Variants in GSE1 observed in about 807,000 individuals in gnomAD.
The protein encoded by GSE1 is genetic suppressor element 1.
GSE1 carries 32 observed loss-of-function variants against 112.6 expected under a neutral mutation model. That is an observed-to-expected ratio of 0.28 (90% CI 0.21 to 0.38). The LOEUF (loss-of-function observed/expected upper bound fraction) is 0.38. Ranked by LOEUF, GSE1 falls within the 10% of genes least tolerant of loss-of-function variation. GSE1 has a pLI of 1.00. For missense variants in GSE1, 2,348 were observed against 1,699.2 expected, an observed-to-expected ratio of 1.38 and a Z score of -6.71; for synonymous variants, 1,115 against 735.6, an observed-to-expected ratio of 1.52 and a Z score of -8.35.
At chr16:85,247,578 A>G (rs1249131700) in intron 1 of GSE1, among the ~76,000 whole-genome samples, 2 of 152,166 alleles carry the variant, frequency 1.3e-5, no homozygotes, top group Non-Finnish European at 2.9e-5. Flanking sequence ...AGCCTGGCTC[A>G]AGCCACTGCC....
Position 85,331,365 on chromosome 16 carries a change from G to GTGTA in GSE1, c.2284-26097_2284-26096insGTAT, listed in dbSNP as rs1555563679. Among the ~76,000 whole-genome samples the GTGTA allele has an allele frequency of 3.3e-3, 332 of 101,118 alleles. 24 individuals are homozygous for GTGTA. The highest frequency in any genetic ancestry group is 0.011 in the Middle Eastern group (2 of 190). The allele number at this position is 101,118 out of a possible 152,430, so 66.3% of individuals were successfully genotyped here. On this transcript the variant is annotated intron_variant, in intron 1 of 2. Coordinates refer to the GSE1 transcript ENST00000637419. ...TGTGTGTGTGTGTGTGTGTGTGTGTGTATATATGTATATATATGTATATAT... is the reference window on the plus strand; with the variant it reads ...TGTGTGTGTGTGTGTGTGTGTGTGTGTGTATATATATGTATATATATGTATATAT...
intron 2 of GSE1, among the ~76,000 whole-genome samples, chr16:85,369,297 C>T (rs951057346): frequency 6.6e-6 from 1 of 152,064 alleles, no homozygotes. Flanking sequence ...CTCACTGCAA[C>T]CTTGACCTCC....
chr16:85,592,046 A>G (rs1598305578), intron 1 of GSE1, among the ~76,000 whole-genome samples: 1 of 152,066 alleles, frequency 6.6e-6, no homozygotes, highest in East Asian at 1.9e-4. Context: ...GGCCAGGGGC[A>G]CCCCCCGCCC....
At chr16:85,595,042 G>A (rs1046691067) in intron 1 of GSE1, 1 of 152,428 alleles carries the variant, frequency 6.6e-6, no homozygotes, top group Admixed American at 6.5e-5. Context: ...GGACGTTCCT[G>A]TCTCTGTTGA....
At chr16:85,619,771 G>T (rs1302338302) in intron 1 of GSE1, among the ~76,000 whole-genome samples, 1 of 152,152 alleles carries the variant, frequency 6.6e-6, no homozygotes, top group Non-Finnish European at 1.5e-5. Flanking sequence ...CTCCTCCCCA[G>T]GGAGGGACTG....
intron 2 of GSE1, among the ~76,000 whole-genome samples, chr16:85,467,927 C>T (rs927954831): frequency 5.3e-5 from 8 of 152,146 alleles, no homozygotes; most frequent in Non-Finnish European, 7.3e-5. Flanking sequence ...CCTGAGACAT[C>T]GTCTGCATCG....
upstream of GSE1, among the ~76,000 whole-genome samples, chr16:85,608,443 C>T (rs1284790955): frequency 1.3e-5 from 2 of 151,924 alleles, no homozygotes; most frequent in Admixed American, 6.5e-5. Flanking sequence ...CGGCTCCCTC[C>T]CCCGGCCCCC....
rs556432383 is a variant in GSE1, at chr16:85,585,797, C to G, written c.37+29434C>G. Among the ~76,000 whole-genome samples the G allele has an allele frequency of 1.1e-4, 16 of 152,368 alleles. No homozygotes were observed. The East Asian group carries it at 3.1e-3, about 29-fold the overall frequency. On this transcript the variant is annotated intron_variant, in intron 1 of 2. Transcript: ENST00000635906. ...GCTTCCCAGCCAGTGTCTTAAGTGTCTGATCCACATACATTTCCTTTGGCT... is the reference window on the plus strand; with the variant it reads ...GCTTCCCAGCCAGTGTCTTAAGTGTGTGATCCACATACATTTCCTTTGGCT...
chr16:85,421,014 C>T (rs974187054), intron 2 of GSE1, among the ~76,000 whole-genome samples: 1 of 152,194 alleles, frequency 6.6e-6, no homozygotes, highest in South Asian at 2.1e-4. Context: ...CCTCAGTGGC[C>T]CCCTCTGTAA....
chr16:85,290,081 C>T (rs2045162461), intron 1 of GSE1, among the ~76,000 whole-genome samples: 2 of 152,162 alleles, frequency 1.3e-5, no homozygotes, highest in Admixed American at 6.5e-5. Context: ...TCTTCCCCTC[C>T]CAGAGTCGCC....
At chr16:85,485,664 G>A (rs1597913924) in intron 2 of GSE1, among the ~76,000 whole-genome samples, 1 of 152,250 alleles carries the variant, frequency 6.6e-6, no homozygotes, top group Non-Finnish European at 1.5e-5. Flanking sequence ...CAGCCCGCCG[G>A]GCCAGCTTGT....
At chr16:85,421,768 C>T (rs1041453946) in intron 2 of GSE1, among the ~76,000 whole-genome samples, 2 of 152,090 alleles carry the variant, frequency 1.3e-5, no homozygotes, top group Non-Finnish European at 2.9e-5. Context: ...CTTAGGGCCT[C>T]CCACCAGGAA....
chr16:85,318,921 G>A (rs1176012795), intron 1 of GSE1, among the ~76,000 whole-genome samples: 1 of 152,242 alleles, frequency 6.6e-6, no homozygotes, highest in Non-Finnish European at 1.5e-5. Context: ...TTAATAACAT[G>A]GATGAGGCAG....
chr16:85,223,531 A>G lies in GSE1; in HGVS notation c.2283+51724A>G, dbSNP rs562672647. Among the ~76,000 whole-genome samples the G allele has an allele frequency of 2.7e-4, 41 of 152,140 alleles. No individual in the cohort carries two copies. In the South Asian group the frequency reaches 8.1e-3, roughly 30 times the overall value. On this transcript the variant is annotated intron_variant, in intron 1 of 2. Transcript: ENST00000637419. ...GAGCAAGACTCCATCTCAAAAAACAACAACAAAAAAATTGTGGTAAGATAC... is the reference window on the plus strand; with the variant it reads ...GAGCAAGACTCCATCTCAAAAAACAGCAACAAAAAAATTGTGGTAAGATAC...
At chr16:85,247,842 G>T (rs1308899088) in intron 1 of GSE1, among the ~76,000 whole-genome samples, 1 of 152,342 alleles carries the variant, frequency 6.6e-6, no homozygotes, top group Non-Finnish European at 1.5e-5. Context: ...CCTGAGCCCC[G>T]TTCTGAACAG....
intron 1 of GSE1, among the ~76,000 whole-genome samples, chr16:85,338,378 G>T (rs2046550315): frequency 6.6e-6 from 1 of 152,208 alleles, no homozygotes; most frequent in African/African-American, 2.4e-5. Flanking sequence ...AAGGTTAACA[G>T]TGCAGGCTGA....
intron 1 of GSE1, among the ~76,000 whole-genome samples, chr16:85,605,670 C>T (rs2047674522): frequency 6.6e-6 from 1 of 151,832 alleles, no homozygotes; most frequent in Non-Finnish European, 1.5e-5. Flanking sequence ...CCCGGGGGGG[C>T]CACCGGCTGT....
chr16:85,491,349 C>T (rs573811056), intron 2 of GSE1, among the ~76,000 whole-genome samples: 1 of 152,272 alleles, frequency 6.6e-6, no homozygotes, highest in Non-Finnish European at 1.5e-5. Flanking sequence ...CAGTCCCTGC[C>T]CTTGGAGACA....
intron 1 of GSE1, among the ~76,000 whole-genome samples, chr16:85,262,915 C>T (rs946123251): frequency 8.5e-5 from 13 of 152,224 alleles, no homozygotes; most frequent in South Asian, 2.1e-4. Flanking sequence ...TGCCAGGCCC[C>T]GTTCTAGGCT....
Sources: allele counts gnomAD v4.1 joint callset (sites outside exome capture counted in the v4.1 genomes callset), GRCh38; gene constraint gnomAD v4.1.1; transcripts MANE v1.5; gene names NCBI Gene and HGNC (gene_info 2026-07-23, HGNC 2026-07-21).